Variants in NGEF observed in about 807,000 individuals in gnomAD.
NGEF encodes the protein ephexin-1.
Under a neutral mutation model 80.9 loss-of-function variants are expected in NGEF, and 31 were observed. The observed-to-expected ratio is 0.38, with a 90% CI of 0.29 to 0.52. The LOEUF is 0.52. Ranked by LOEUF, NGEF falls within the 20% of genes least tolerant of loss-of-function variation. NGEF has a pLI of 0.84. For synonymous variants in NGEF, 371 were observed against 370.2 expected (o/e 1.00, Z -0.03); for missense variants, 709 against 926.2 (o/e 0.77, Z 3.04).
chr2:233,007,566 A>G (rs916708731), intron 1 of NGEF, among the ~76,000 whole-genome samples: 5 of 152,230 alleles, frequency 3.3e-5, no homozygotes, highest in African/African-American at 1.2e-4. Context: ...CACTGCTCAC[A>G]TGAGAAGATG....
intron 1 of NGEF, among the ~76,000 whole-genome samples, chr2:232,987,091 A>C (rs1265389205): frequency 2.0e-5 from 3 of 152,018 alleles, no homozygotes; most frequent in Non-Finnish European, 4.4e-5. Flanking sequence ...ACCTCGGCTC[A>C]CTGCAATGTC....
At chr2:232,938,670 A>T (rs1350181295) in intron 3 of NGEF, among the ~76,000 whole-genome samples, 2 of 132,048 alleles carry the variant, frequency 1.5e-5, no homozygotes, top group African/African-American at 2.9e-5. Context: ...AAGATGTAGG[A>T]TCACTTGGAA....
chr2:232,947,923 G>C (rs1162095806), intron 3 of NGEF, among the ~76,000 whole-genome samples: 1 of 152,092 alleles, frequency 6.6e-6, no homozygotes, highest in African/African-American at 2.4e-5. Context: ...ATTGAAACTC[G>C]ACTAGATCTT....
intron 2 of NGEF, among the ~76,000 whole-genome samples, chr2:232,972,549 T>C (rs1046366194): frequency 6.6e-6 from 1 of 152,170 alleles, no homozygotes; most frequent in Non-Finnish European, 1.5e-5. Flanking sequence ...GCTCAGTCTG[T>C]ACCACACAAT....
intron 1 of NGEF, among the ~76,000 whole-genome samples, chr2:233,002,713 G>C (rs969525559): frequency 1.3e-5 from 2 of 152,186 alleles, no homozygotes; most frequent in Admixed American, 1.3e-4. Flanking sequence ...ATTGATTGAC[G>C]TTCAGGAAAC....
chr2:232,954,158 A>G (rs975606210), intron 3 of NGEF, among the ~76,000 whole-genome samples: 1 of 152,134 alleles, frequency 6.6e-6, no homozygotes, highest in Non-Finnish European at 1.5e-5. Context: ...TATCTTTTAC[A>G]TAGATGACCC....
intron 1 of NGEF, among the ~76,000 whole-genome samples, chr2:233,011,573 G>A (rs1444073733): frequency 7.3e-6 from 1 of 137,574 alleles, no homozygotes; most frequent in East Asian, 2.1e-4. Context: ...GCCAAGGGAA[G>A]TTCTTAAAGC....
chr2:232,903,436 GCACA>G (rs35757997), intron 5 of NGEF, among the ~76,000 whole-genome samples: 8,404 of 148,756 alleles, frequency 0.056, 749 homozygotes, highest in African/African-American at 0.19. Flanking sequence ...TGACATGAGG[GCACA>G]CACACACACA....
rs985645281 is a variant in NGEF at position 232,892,916 on chromosome 2, C to T, written c.1124G>A (p.Arg375Gln). The change falls in exon 7 of 15, where the codon CGG becomes CAG. Residue 375 changes from arginine (R) to glutamine (Q), a missense_variant. Coordinates refer to ENST00000264051, the MANE Select transcript of NGEF (RefSeq NM_019850.3). The surrounding 1 kb of genome is among the most constrained non-coding windows in gnomAD (Gnocchi z 4.0). ...CACTCACAGCAGCTGCTTATAGGTC[C>T]GCTCCTGGTAGGTCTGATTGCTGAC... ...TYVSNQTYQERTYKQLLQEKA... is the reference protein window; with the variant it reads ...TYVSNQTYQEQTYKQLLQEKA... 1.4e-5 allele frequency: 22 copies of T among 1,613,264 alleles called. No homozygotes were observed. Among genetic ancestry groups the T allele is most frequent in the African/African-American group, 2.7e-5 (2 of 74,938 alleles).
chr2:232,894,869 C>T lies in NGEF; in HGVS notation c.876G>A (p.Leu292=). Residue 292 remains leucine (L), a synonymous_variant, in exon 6 of 15, where the codon CTG becomes CTA. Transcript: ENST00000264051. Reference sequence around the variant, plus strand: ...CCATGAAGTGGGACACGAGCAGGTTCAGACTCTTGTAGTAGGACGCCTCGG... The same window carrying T: ...CCATGAAGTGGGACACGAGCAGGTTTAGACTCTTGTAGTAGGACGCCTCGG... ...VTSEASYYKS[L]NLLVSHFMEN... The T allele has an allele frequency of 6.2e-7, 1 of 1,608,634 alleles. No homozygotes were observed. The highest frequency in any genetic ancestry group is 1.1e-5 in the South Asian group (1 of 90,920).
At chr2:232,933,972 A>G (rs147775636) in intron 3 of NGEF, among the ~76,000 whole-genome samples, 2,141 of 152,272 alleles carry the variant, frequency 0.014, 48 homozygotes, top group African/African-American at 0.048. Context: ...GGCGGGGCAC[A>G]GTGGCTCACA....
At chr2:232,893,476 AGAAGTGCCGTGGCAGGGCCAGGC>A (rs1323989770) in intron 6 of NGEF, among the ~76,000 whole-genome samples, 18 of 152,236 alleles carry the variant, frequency 1.2e-4, no homozygotes, top group African/African-American at 4.3e-4. Flanking sequence ...TACATAAGAC[AGAAGTGCCGTGGCAGGGCCAGGC>A]GCAGTGGCTC....
intron 3 of NGEF, among the ~76,000 whole-genome samples, chr2:232,941,541 T>C (rs545430558): frequency 1.3e-5 from 2 of 152,354 alleles, no homozygotes; most frequent in Admixed American, 1.3e-4. Flanking sequence ...GTTAGATCTT[T>C]CACTGTCTCA....
intron 1 of NGEF, among the ~76,000 whole-genome samples, chr2:232,997,250 T>C (rs4643532): frequency 0.85 from 129,899 of 152,210 alleles, 55,522 homozygotes; most frequent in East Asian, 0.99. Flanking sequence ...CATTCTCAGA[T>C]GCTGCTGCTG....
intron 2 of NGEF, among the ~76,000 whole-genome samples, chr2:232,971,569 C>T (rs1046656251): frequency 2.6e-5 from 4 of 152,054 alleles, no homozygotes; most frequent in Admixed American, 6.6e-5. Context: ...CCTGTGGTCC[C>T]GGTTACTTGG....
chr2:232,900,022 G>A (rs1395321322), intron 5 of NGEF, among the ~76,000 whole-genome samples: 6 of 115,192 alleles, frequency 5.2e-5, no homozygotes, highest in Non-Finnish European at 8.5e-5. Flanking sequence ...TCATATACAC[G>A]TTCACTCACA....
chr2:233,009,144 T>C (rs13382920), intron 1 of NGEF, among the ~76,000 whole-genome samples: 2,658 of 152,294 alleles, frequency 0.017, 82 homozygotes, highest in African/African-American at 0.059. Context: ...TAAGTATCTT[T>C]ATTCTTTTTC....
intron 3 of NGEF, among the ~76,000 whole-genome samples, chr2:232,943,043 A>T (rs1228045274): frequency 6.6e-6 from 1 of 151,604 alleles, no homozygotes; most frequent in Non-Finnish European, 1.5e-5. Flanking sequence ...GCTGTTTCTA[A>T]AATGTTGCTC....
rs571342837 is a variant in NGEF, at chr2:233,009,959, G to A, written c.-75+3109C>T. On this transcript the variant is annotated intron_variant, in intron 1 of 14. Coordinates refer to ENST00000264051, the MANE Select transcript of NGEF (RefSeq NM_019850.3). ...GTCACCTTGCCTGTAGTGCAATGGC[G>A]TGAACTTGGCTCACTGCAACCTCTG... is the stretch of plus-strand genomic sequence containing the variant. Among the ~76,000 whole-genome samples, 93 of 152,196 alleles carry A rather than the reference G, an allele frequency of 6.1e-4. No homozygotes were observed. In the South Asian group the frequency reaches 8.7e-3, roughly 14 times the overall value.
Sources: allele counts gnomAD v4.1 joint callset (sites outside exome capture counted in the v4.1 genomes callset), GRCh38; gene constraint gnomAD v4.1.1; non-coding constraint Gnocchi (gnomAD v3.1); transcripts MANE v1.5; gene names NCBI Gene and HGNC (gene_info 2026-07-23, HGNC 2026-07-21).